Variants in WDPCP observed in about 807,000 individuals in gnomAD.
WDPCP encodes WD repeat containing planar cell polarity effector.
A neutral mutation model predicts 93.1 loss-of-function variants in WDPCP; 71 were observed. That is an observed-to-expected ratio of 0.76 (90% CI 0.63 to 0.93). The LOEUF (loss-of-function observed/expected upper bound fraction) is 0.93, where lower values mean the gene tolerates loss of function less well. Ranked by LOEUF, WDPCP falls within the 40% of genes least tolerant of loss-of-function variation. The pLI, the probability that WDPCP is intolerant of heterozygous loss-of-function variation, is 0.00. For synonymous variants in WDPCP, 315 were observed against 315.0 expected, an observed-to-expected ratio of 1.00 and a Z score of 0.00; for missense variants, 844 against 887.4, an observed-to-expected ratio of 0.95 and a Z score of 0.62.
At chr2:63,798,763 A>T (rs901174432) in intron 2 of WDPCP, among the ~76,000 whole-genome samples, 63 of 152,260 alleles carry the variant, frequency 4.1e-4, no homozygotes, top group African/African-American at 1.4e-3. Flanking sequence ...TAAACTCTCC[A>T]ATCAAAAGAC....
chr2:63,754,512 G>T (rs1669931008), intron 2 of WDPCP, among the ~76,000 whole-genome samples: 1 of 152,234 alleles, frequency 6.6e-6, no homozygotes, highest in Non-Finnish European at 1.5e-5. Flanking sequence ...TCTCACAGAT[G>T]AATAAGACTT....
intron 10 of WDPCP, among the ~76,000 whole-genome samples, chr2:63,397,761 T>A (rs1389179764): frequency 6.6e-6 from 1 of 152,094 alleles, no homozygotes; most frequent in Non-Finnish European, 1.5e-5. Flanking sequence ...AGAGCAGTTC[T>A]GAGACACCGC....
intron 2 of WDPCP, among the ~76,000 whole-genome samples, chr2:63,491,338 G>T (rs542917674): frequency 2.1e-3 from 321 of 152,126 alleles, no homozygotes; most frequent in African/African-American, 7.5e-3. Flanking sequence ...GTATTTACAA[G>T]TGAGGCACTA....
intron 1 of WDPCP, among the ~76,000 whole-genome samples, chr2:63,498,913 AG>A (rs1222775614): frequency 6.6e-6 from 1 of 152,242 alleles, no homozygotes; most frequent in African/African-American, 2.4e-5. Flanking sequence ...AAGGTAAATA[AG>A]GAGACCTCAA....
At chr2:63,388,220 T>A (rs1255242436) in intron 10 of WDPCP, among the ~76,000 whole-genome samples, 1 of 152,082 alleles carries the variant, frequency 6.6e-6, no homozygotes. Context: ...GATTTCTGCA[T>A]TTCCAACTGA....
intron 14 of WDPCP, among the ~76,000 whole-genome samples, chr2:63,190,372 G>A (rs865805690): frequency 5.3e-5 from 8 of 150,424 alleles, no homozygotes; most frequent in African/African-American, 1.7e-4. Context: ...GTTGAGGGCT[G>A]CAGTGAGCCG....
At chr2:63,727,020 C>T (rs1669504874) in intron 2 of WDPCP, among the ~76,000 whole-genome samples, 2 of 152,002 alleles carry the variant, frequency 1.3e-5, no homozygotes, top group South Asian at 2.1e-4. Context: ...CTCCCTATTT[C>T]GATATATTTG....
At chr2:63,437,594 TAATG>T (rs1393770370) in intron 7 of WDPCP, 40 bp from the exon 8 acceptor site, 1 of 1,521,652 alleles carries the variant, frequency 6.6e-7, no homozygotes, top group African/African-American at 1.4e-5. Flanking sequence ...TAGAATAAAA[TAATG>T]AATAGATTTT....
At chr2:63,502,401 T>G (rs1701614320) in intron 1 of WDPCP, among the ~76,000 whole-genome samples, 1 of 152,214 alleles carries the variant, frequency 6.6e-6, no homozygotes, top group Non-Finnish European at 1.5e-5. Flanking sequence ...ATTGCCAAAT[T>G]AGCCTCCAAA....
chr2:63,603,046 G>A lies in WDPCP; in HGVS notation n.488+47613C>T, dbSNP rs1035241649. On this transcript the variant is annotated intron_variant and non_coding_transcript_variant, in intron 3 of 4. Coordinates refer to the WDPCP transcript ENST00000467687. ...ACGATCTCGGCTCACTGCAACCTCC[G>A]CCTCCCAGGTTCAAGAGATTCTCCT... Among the ~76,000 whole-genome samples, 7 of 134,218 alleles carry A rather than the reference G, an allele frequency of 5.2e-5. No individual in the cohort carries two copies. The South Asian group carries it at 1.2e-3, about 23-fold the overall frequency. 88.1% of individuals were successfully genotyped at this position (134,218 alleles called of 152,430 possible).
intron 3 of WDPCP, among the ~76,000 whole-genome samples, chr2:63,610,538 G>C (rs1558865979): frequency 6.6e-6 from 1 of 150,858 alleles, no homozygotes; most frequent in African/African-American, 2.4e-5. Context: ...TCCTTACAGG[G>C]AAAAAAATAC....
chr2:63,735,327 G>C (rs1211429483), intron 2 of WDPCP, among the ~76,000 whole-genome samples: 1 of 152,166 alleles, frequency 6.6e-6, no homozygotes, highest in African/African-American at 2.4e-5. Flanking sequence ...AAACTGTAAG[G>C]AGAGGTAGAA....
chr2:63,156,577 A>T (rs1161263380), intron 15 of WDPCP, among the ~76,000 whole-genome samples: 2 of 151,886 alleles, frequency 1.3e-5, no homozygotes, highest in Non-Finnish European at 1.5e-5. Context: ...CTCTACTAAA[A>T]ATACAAAAAA....
At chr2:63,681,578 C>T (rs1470634193) in intron 2 of WDPCP, among the ~76,000 whole-genome samples, 1 of 152,146 alleles carries the variant, frequency 6.6e-6, no homozygotes, top group Non-Finnish European at 1.5e-5. Flanking sequence ...CCTGACACCT[C>T]TATGGTACCT....
chr2:63,189,482 C>T (rs868165221), intron 14 of WDPCP, among the ~76,000 whole-genome samples: 5 of 152,116 alleles, frequency 3.3e-5, no homozygotes, highest in Admixed American at 6.5e-5. Flanking sequence ...TGATTTGTCT[C>T]CATAGAAAAA....
intron 2 of WDPCP, among the ~76,000 whole-genome samples, chr2:63,683,056 A>G (rs1344744331): frequency 6.6e-6 from 1 of 152,214 alleles, no homozygotes; most frequent in Non-Finnish European, 1.5e-5. Context: ...TAGTATTTGC[A>G]AGCCTCATGG....
intron 12 of WDPCP, among the ~76,000 whole-genome samples, chr2:63,360,828 G>A (rs1339176728): frequency 6.6e-6 from 1 of 152,096 alleles, no homozygotes; most frequent in Non-Finnish European, 1.5e-5. Flanking sequence ...GTCTTTCACT[G>A]TGATGATCAT....
At chr2:63,799,756 T>A (rs1276176938) in intron 2 of WDPCP, among the ~76,000 whole-genome samples, 2 of 152,178 alleles carry the variant, frequency 1.3e-5, no homozygotes, top group Non-Finnish European at 2.9e-5. Context: ...GCCAGATTTA[T>A]CCCCTAGGCT....
intron 1 of WDPCP, among the ~76,000 whole-genome samples, chr2:63,566,835 C>T (rs1183602345): frequency 6.6e-6 from 1 of 152,172 alleles, no homozygotes; most frequent in Non-Finnish European, 1.5e-5. Context: ...GCTATATATT[C>T]AAGGGTTCCC....
Sources: gnomAD v4.1 joint callset for allele counts (sites outside exome capture counted in the v4.1 genomes callset) on GRCh38, gnomAD v4.1.1 for gene constraint, MANE v1.5 for transcripts, NCBI Gene and HGNC (gene_info 2026-07-23, HGNC 2026-07-21) for gene names.